The following RFX2 variants were observed in gnomAD, a reference collection of about 807,000 sequenced individuals.
The protein encoded by RFX2 is regulatory factor X2.
A neutral mutation model predicts 87.8 loss-of-function variants in RFX2; 20 were observed. The observed-to-expected ratio is 0.23, with a 90% CI of 0.16 to 0.33. The LOEUF is 0.33. RFX2 is among the 10% of genes least tolerant of loss of function. The probability of loss-of-function intolerance (pLI) is 1.00; values close to 1 mark genes in which losing one functional copy is unlikely to be tolerated. For missense variants in RFX2, 767 were observed against 1,012.3 expected, an observed-to-expected ratio of 0.76 and a Z score of 3.29; for synonymous variants, 397 against 431.3, an observed-to-expected ratio of 0.92 and a Z score of 0.98.
intron 5 of RFX2, among the ~76,000 whole-genome samples, chr19:6,038,328 GAAAAAAAAAAA>G (rs55857624): frequency 1.6e-5 from 1 of 61,100 alleles, no homozygotes; most frequent in African/African-American, 6.8e-5. Flanking sequence ...CTCCGTCTCA[GAAAAAAAAAAA>G]AAAAAAAAAA....
intron 1 of RFX2, among the ~76,000 whole-genome samples, chr19:6,099,381 A>G (rs952158753): frequency 1.3e-5 from 2 of 152,346 alleles, no homozygotes; most frequent in South Asian, 4.1e-4. Context: ...AATTAACAGT[A>G]GGGGTCTTTG....
rs1244366412 is a variant in RFX2, at chr19:5,998,581, C to T, written c.1860-1368G>A. On this transcript the variant is annotated intron_variant, in intron 15 of 17. Transcript: ENST00000303657. This position sits in a 1 kb window ranked among gnomAD's most constrained non-coding sequence, Gnocchi z 4.2. ...TTAAGTGTCAAGCATAGCTGCAAAGCCCCCAGCCCCCTCCTGTTCCTCCGG... is the reference window on the plus strand; with the variant it reads ...TTAAGTGTCAAGCATAGCTGCAAAGTCCCCAGCCCCCTCCTGTTCCTCCGG... Among the ~76,000 whole-genome samples the T allele has an allele frequency of 6.6e-6, 1 of 152,184 alleles. No homozygotes were observed. The highest frequency in any genetic ancestry group is 1.5e-5 in the Non-Finnish European group (1 of 68,030).
rs1193701319 is a variant in RFX2 at position 6,044,403 on chromosome 19, G to C, written c.91-121C>G. The C allele has an allele frequency of 5.1e-6, 3 of 592,882 alleles. No homozygotes were observed. In the African/African-American group the frequency reaches 5.8e-5, roughly 12 times the overall value. 36.7% of individuals were successfully genotyped at this position (592,882 alleles called of 1,614,324 possible). The stretch of plus-strand genomic sequence containing the variant: ...TTTTTATTAAAACATAGGCAGGACT[G>C]ATCAGAGGCGACGGCGGGGTGATGG... On this transcript the variant is annotated intron_variant, in intron 2 of 17. Coordinates refer to ENST00000303657, the MANE Select transcript of RFX2 (RefSeq NM_000635.4). The surrounding 1 kb of genome is among the most constrained non-coding windows in gnomAD (Gnocchi z 5.3).
intron 1 of RFX2, among the ~76,000 whole-genome samples, chr19:6,080,258 G>C (rs1236779511): frequency 6.6e-6 from 1 of 151,510 alleles, no homozygotes; most frequent in Non-Finnish European, 1.5e-5. Context: ...GAGAGACAGA[G>C]AGAGAGAGAG....
In RFX2 at chr19:6,011,358, T is replaced by C. The variant is rs75314910; in HGVS notation, c.900-1107A>G. Among the ~76,000 whole-genome samples, 668 of 152,204 alleles carry C rather than the reference T, an allele frequency of 4.4e-3. 7 individuals carry two copies. The East Asian group carries it at 0.071, about 16-fold the overall frequency. On this transcript the variant is annotated intron_variant, in intron 8 of 17. Coordinates refer to ENST00000303657, the MANE Select transcript of RFX2 (RefSeq NM_000635.4). The surrounding 1 kb of genome is among the most constrained non-coding windows in gnomAD (Gnocchi z 4.8). ...TGGTGGGGGCAGGGAGGGAGCCGGCTTGAGCTGGAGCATCTCCAGCGGACC... is the reference window on the plus strand; with the variant it reads ...TGGTGGGGGCAGGGAGGGAGCCGGCCTGAGCTGGAGCATCTCCAGCGGACC...
chr19:6,014,960 G>T (rs565076149), intron 7 of RFX2, among the ~76,000 whole-genome samples: 1 of 152,356 alleles, frequency 6.6e-6, no homozygotes, highest in East Asian at 1.9e-4. Flanking sequence ...CACAGCCTCA[G>T]CAGGCAGCAG....
At chr19:6,100,097 G>A (rs1026463225) in intron 1 of RFX2, among the ~76,000 whole-genome samples, 1 of 152,186 alleles carries the variant, frequency 6.6e-6, no homozygotes, top group Non-Finnish European at 1.5e-5. Context: ...CATGGCAAGA[G>A]GGGATTAAAG....
At chr19:6,000,312 A>G (rs2086474566) in intron 15 of RFX2, among the ~76,000 whole-genome samples, 1 of 152,202 alleles carries the variant, frequency 6.6e-6, no homozygotes, top group African/African-American at 2.4e-5. Flanking sequence ...CGCTTGCCAG[A>G]TAGTAAATAT....
In RFX2 at chr19:6,001,385, A is replaced by C. The variant is rs371836553; in HGVS notation, c.1859+430T>G. Among the ~76,000 whole-genome samples the C allele has an allele frequency of 3.9e-5, 6 of 152,226 alleles. No individual in the cohort carries two copies. The highest frequency in any genetic ancestry group is 3.9e-4 in the East Asian group (2 of 5,170). On this transcript the variant is annotated intron_variant, in intron 15 of 17. Coordinates refer to ENST00000303657, the MANE Select transcript of RFX2 (RefSeq NM_000635.4). This position sits in a 1 kb window ranked among gnomAD's most constrained non-coding sequence, Gnocchi z 5.6. Reference sequence around the variant, plus strand: ...TCAAGGATCCTTCCACCTCAGCCTCACAAGTATCTGGGACCACAGGCACAT... The same window carrying C: ...TCAAGGATCCTTCCACCTCAGCCTCCCAAGTATCTGGGACCACAGGCACAT...
intron 5 of RFX2, among the ~76,000 whole-genome samples, chr19:6,032,371 C>A (rs910956197): frequency 6.6e-6 from 1 of 152,168 alleles, no homozygotes; most frequent in Non-Finnish European, 1.5e-5. Context: ...ACCTTGTGAT[C>A]CACCTGCCTT....
Position 6,022,117 on chromosome 19 carries a change from C to T in RFX2, c.597+4046G>A, listed in dbSNP as rs2086821139. Among the ~76,000 whole-genome samples, 1 of 151,888 alleles carries T rather than the reference C, an allele frequency of 6.6e-6. No homozygotes were observed. Among genetic ancestry groups the T allele is most frequent in the East Asian group, 1.9e-4 (1 of 5,174 alleles). ...CCCCTGCCTCAGATGGGACCGTGGG[C>T]GGGAGGCGCAGGGGTTGTGGGAGGC... On this transcript the variant is annotated intron_variant, in intron 6 of 17. Coordinates refer to ENST00000303657, the MANE Select transcript of RFX2 (RefSeq NM_000635.4). The surrounding 1 kb of genome is among the most constrained non-coding windows in gnomAD (Gnocchi z 6.2).
rs576267913 is a variant in RFX2, at chr19:6,104,568, C to CAA, written c.-9+5823_-9+5824dup. Among the ~76,000 whole-genome samples, 144 of 121,134 alleles carry CAA rather than the reference C, an allele frequency of 1.2e-3. 1 individual carries two copies. The highest frequency in any genetic ancestry group is 3.9e-3 in the African/African-American group (134 of 34,188). 79.5% of individuals were successfully genotyped at this position (121,134 alleles called of 152,430 possible). ...TGGGCAACAGAGTGAGACTCCATCTCAAAAAAAAAAAAAAAATTTTTAAGG... is the reference window on the plus strand; with the variant it reads ...TGGGCAACAGAGTGAGACTCCATCTCAAAAAAAAAAAAAAAAAATTTTTAAGG... On this transcript the variant is annotated intron_variant, in intron 1 of 17. Coordinates refer to ENST00000303657, the MANE Select transcript of RFX2 (RefSeq NM_000635.4).
In RFX2 at chr19:6,017,356, A is replaced by G. The variant is rs755512874; in HGVS notation, c.598-1085T>C. Among the ~76,000 whole-genome samples, 1 of 152,232 alleles carries G rather than the reference A, an allele frequency of 6.6e-6. No homozygotes were observed. The highest frequency in any genetic ancestry group is 2.4e-5 in the African/African-American group (1 of 41,460). ...TGTCCACACGAAGAGCTCAGTCCCC[A>G]CACTGGGCATGGACGCAAAGGTGGC... On this transcript the variant is annotated intron_variant, in intron 6 of 17. Transcript: ENST00000303657. This position sits in a 1 kb window ranked among gnomAD's most constrained non-coding sequence, Gnocchi z 4.1.
At chr19:6,076,464 TG>T in intron 1 of RFX2, among the ~76,000 whole-genome samples, 1 of 152,336 alleles carries the variant, frequency 6.6e-6, no homozygotes, top group South Asian at 2.1e-4. Flanking sequence ...GTCCGGTGCC[TG>T]GGTCCAGTTC....
Position 6,002,984 on chromosome 19 carries a change from A to G in RFX2, c.1501-114T>C, listed in dbSNP as rs2086514543. ...ACACAGGGAGGAGGGAGCAGGAAAC[A>G]GCAACCTGGGCAGGGAAGAGGGAAC... On this transcript the variant is annotated intron_variant, in intron 13 of 17. Transcript: ENST00000303657. The surrounding 1 kb of genome is among the most constrained non-coding windows in gnomAD (Gnocchi z 6.7). The G allele has an allele frequency of 8.2e-7, 1 of 1,218,722 alleles. No individual in the cohort carries two copies. Among genetic ancestry groups the G allele is most frequent in the Non-Finnish European group, 1.1e-6 (1 of 883,070 alleles). The allele number at this position is 1,218,722 out of a possible 1,614,324, so 75.5% of individuals were successfully genotyped here.
At chr19:6,030,553 T>C (rs1274826632) in intron 5 of RFX2, among the ~76,000 whole-genome samples, 1 of 152,100 alleles carries the variant, frequency 6.6e-6, no homozygotes, top group Admixed American at 6.6e-5. Context: ...AATTGGCAAA[T>C]CCCTAGAGAC....
intron 1 of RFX2, among the ~76,000 whole-genome samples, chr19:6,090,081 C>G (rs1290857440): frequency 6.6e-6 from 1 of 152,032 alleles, no homozygotes. Context: ...CCCACCTCAC[C>G]CTCTGGAGTA....
At chr19:6,070,493 C>T (rs941290718) in intron 1 of RFX2, among the ~76,000 whole-genome samples, 10 of 151,994 alleles carry the variant, frequency 6.6e-5, no homozygotes, top group Admixed American at 4.6e-4. Context: ...GCAGGGTGGA[C>T]GGGCTTGAAG....
At chr19:6,003,703 C>T (rs192135098) in intron 13 of RFX2, among the ~76,000 whole-genome samples, 151 of 144,444 alleles carry the variant, frequency 1.0e-3, no homozygotes, top group Non-Finnish European at 1.8e-3. Context: ...CGCTTGAACC[C>T]GGGAGGCAGA....
Sources: allele counts gnomAD v4.1 joint callset (sites outside exome capture counted in the v4.1 genomes callset), GRCh38; gene constraint gnomAD v4.1.1; non-coding constraint Gnocchi (gnomAD v3.1); transcripts MANE v1.5; gene names NCBI Gene and HGNC (gene_info 2026-07-23, HGNC 2026-07-21).